LMTK3: variants seen among roughly 807,000 people sequenced by gnomAD.
LMTK3 encodes the protein lemur tail kinase 3, also known as serine/threonine-protein kinase LMTK3.
A neutral mutation model predicts 116.7 loss-of-function variants in LMTK3; 27 were observed. That is an observed-to-expected ratio of 0.23 (90% confidence interval 0.17 to 0.32). The LOEUF is 0.32. Ranked by LOEUF, LMTK3 falls within the 10% of genes least tolerant of loss-of-function variation. The pLI is 1.00. For synonymous variants in LMTK3, 965 were observed against 971.0 expected (o/e 0.99, Z 0.11); for missense variants, 1,764 against 2,068.5 (o/e 0.85, Z 2.86).
chr19:48,497,956 C>T lies in LMTK3; in HGVS notation c.3113G>A (p.Gly1038Asp), dbSNP rs773420307. The T allele has an allele frequency of 1.3e-6, 2 of 1,587,596 alleles. No individual in the cohort carries two copies. Among genetic ancestry groups the T allele is most frequent in the Non-Finnish European group, 8.6e-7 (1 of 1,169,444 alleles). ...TGGCTCCCCGATCGTGGGGGCTGGA[C>T]CCCAACTCTCGGGCGTCTTCTCCCA... Reference protein sequence around the residue: ...GPWEKTPESWGPAPTIGEPAP... With the variant: ...GPWEKTPESWDPAPTIGEPAP... The change falls in exon 11 of 15, where the codon GGT becomes GAT. Residue 1038 changes from glycine to aspartate, a missense_variant. Around this residue, in one of 7 missense-constraint regions of LMTK3, gnomAD observed 1,028 missense variants for 1,050.6 expected, o/e 0.98. Coordinates refer to ENST00000600059, the MANE Select transcript of LMTK3 (RefSeq NM_001388485.1). This position sits in a 1 kb window ranked among gnomAD's most constrained non-coding sequence, Gnocchi z 5.7.
Position 48,500,332 on chromosome 19 carries a change from G to A in LMTK3, c.1152-415C>T, listed in dbSNP as rs1189224756. 1.3e-5 allele frequency among the ~76,000 whole-genome samples: 2 copies of A among 152,204 alleles called. No homozygotes were observed. Among genetic ancestry groups the A allele is most frequent in the Admixed American group, 6.5e-5 (1 of 15,286 alleles). ...CCAGCTACCTGGGAGGCTGAGGCAG[G>A]AGAACCGCTTGAACCCGGGAGGCGG... is the stretch of plus-strand genomic sequence containing the variant. On this transcript the variant is annotated intron_variant, in intron 10 of 14. Transcript: ENST00000600059. This position sits in a 1 kb window ranked among gnomAD's most constrained non-coding sequence, Gnocchi z 4.0.
intron 11 of LMTK3, among the ~76,000 whole-genome samples, chr19:48,496,083 GTTGT>G (rs538830568): frequency 6.6e-5 from 10 of 152,036 alleles, no homozygotes; most frequent in East Asian, 1.9e-4. Context: ...CTGGAAAGTT[GTTGT>G]TTGTTTGTTT....
At chr19:48,493,285 C>T (rs1022741429) in intron 12 of LMTK3, among the ~76,000 whole-genome samples, 1 of 148,936 alleles carries the variant, frequency 6.7e-6, no homozygotes, top group South Asian at 2.2e-4. Flanking sequence ...GCCCCAGGCC[C>T]TGCACCTCTA....
intron 5 of LMTK3, among the ~76,000 whole-genome samples, chr19:48,508,409 G>C (rs978926824): frequency 5.9e-5 from 9 of 152,138 alleles, no homozygotes; most frequent in Non-Finnish European, 4.4e-5. Context: ...GAGTGGAGTA[G>C]AGACCAAGAA....
rs1446782230 is a variant in LMTK3 at position 48,498,081 on chromosome 19, G to A, written c.2988C>T (p.Pro996=). The stretch of plus-strand genomic sequence containing the variant: ...CTGACACCTTGTCCTCGCTCTTTGG[G>A]GGTGTCAGGCCCCCATTCACCAGCA... The part of the protein sequence containing the change: ...EKVLVNGGLT[P]PKSEDKVSEN... Residue 996 remains proline, a synonymous_variant, in exon 11 of 15, where the codon CCC becomes CCT. Coordinates refer to ENST00000600059, the MANE Select transcript of LMTK3 (RefSeq NM_001388485.1). The A allele has an allele frequency of 6.2e-7, 1 of 1,612,926 alleles. No individual in the cohort carries two copies. The highest frequency in any genetic ancestry group is 1.3e-5 in the African/African-American group (1 of 74,894).
intron 11 of LMTK3, among the ~76,000 whole-genome samples, chr19:48,495,144 G>A (rs779417142): frequency 1.3e-4 from 20 of 151,930 alleles, no homozygotes; most frequent in Non-Finnish European, 2.8e-4. Flanking sequence ...CGAGTAGCTG[G>A]GATTACAGGT....
In LMTK3 at chr19:48,491,634, GGGGCTCTA is replaced by G. The variant is rs1389717647; in HGVS notation, c.4093-103_4093-96del. On this transcript the variant is annotated intron_variant, in intron 12 of 14. Coordinates refer to ENST00000600059, the MANE Select transcript of LMTK3 (RefSeq NM_001388485.1). This position sits in a 1 kb window ranked among gnomAD's most constrained non-coding sequence, Gnocchi z 5.1. ...AGCAACAAAACCGGCTAATATTTCT[GGGGCTCTA>G]GGAATCCCAATTTGTAATCACTGAC... is the stretch of plus-strand genomic sequence containing the variant. 3.6e-6 allele frequency: 4 copies of G among 1,118,858 alleles called. No homozygotes were observed. Among genetic ancestry groups the G allele is most frequent in the South Asian group, 7.3e-5 (2 of 27,288 alleles). 69.3% of individuals were successfully genotyped at this position (1,118,858 alleles called of 1,614,324 possible). A position where few individuals can be genotyped will look rare whatever the true frequency, so the allele number is the denominator to read the frequency against.
Position 48,497,820 on chromosome 19 carries a change from C to G in LMTK3, c.3249G>C (p.Thr1083=), listed in dbSNP as rs906039535. Residue 1083 remains threonine, a synonymous_variant, in exon 11 of 15, where the codon ACG becomes ACC. Coordinates refer to ENST00000600059, the MANE Select transcript of LMTK3 (RefSeq NM_001388485.1). The surrounding 1 kb of genome is among the most constrained non-coding windows in gnomAD (Gnocchi z 5.7). Reference sequence around the variant, plus strand: ...CTCTCCTCTCGGTCCCGGGTTCCAGCGTCCCGTTCTTGGGGGCTGGGCCAA... The same window carrying G: ...CTCTCCTCTCGGTCCCGGGTTCCAGGGTCCCGTTCTTGGGGGCTGGGCCAA... ...GPLGPAPKNG[T]LEPGTERRAP... The G allele has an allele frequency of 2.2e-6, 3 of 1,388,894 alleles. No homozygotes were observed. The highest frequency in any genetic ancestry group is 2.8e-6 in the Non-Finnish European group (3 of 1,077,420). The allele number at this position is 1,388,894 out of a possible 1,614,324, so 86.0% of individuals were successfully genotyped here.
rs1972106627 is a variant in LMTK3 at position 48,485,552 on chromosome 19, G to A, written c.*221C>T. The A allele has an allele frequency of 1.4e-5, 8 of 562,632 alleles. No individual in the cohort carries two copies. Among genetic ancestry groups the A allele is most frequent in the South Asian group, 1.4e-4 (7 of 49,398 alleles). 34.9% of individuals were successfully genotyped at this position (562,632 alleles called of 1,614,324 possible). On this transcript the variant is annotated 3_prime_UTR_variant, in exon 15 of 15. Coordinates refer to ENST00000600059, the MANE Select transcript of LMTK3 (RefSeq NM_001388485.1). ...GGGGATTCCTGCCTCATTTGGCTCC[G>A]AGGGGGTCAGGGGGGTCAGGGGAGC...
intron 11 of LMTK3, among the ~76,000 whole-genome samples, chr19:48,495,049 G>A (rs941507179): frequency 2.0e-5 from 3 of 150,984 alleles, no homozygotes; most frequent in African/African-American, 4.9e-5. Context: ...TGCTCTCGTC[G>A]CCCAGGCTGG....
chr19:48,497,547 G>T lies in LMTK3; in HGVS notation c.3522C>A (p.Pro1174=), dbSNP rs370193229. 47 of 1,376,268 alleles carry T rather than the reference G, an allele frequency of 3.4e-5. No homozygotes were observed. In the African/African-American group the frequency reaches 6.5e-4, roughly 19 times the overall value. 85.3% of individuals were successfully genotyped at this position (1,376,268 alleles called of 1,614,324 possible). A position where few individuals can be genotyped will look rare whatever the true frequency, so the allele number is the denominator to read the frequency against. Residue 1174 remains proline (P), a synonymous_variant, in exon 11 of 15, where the codon CCC becomes CCA. Transcript: ENST00000600059. The surrounding 1 kb of genome is among the most constrained non-coding windows in gnomAD (Gnocchi z 5.7). The stretch of plus-strand genomic sequence containing the variant: ...TGTCTGGGGCCCCGGGCTCTCCCTC[G>T]GGGGCCACCTCCGGCCTGGCTCTCG... ...APPRARPEVA[P]EGEPGAPDSR... is the part of the protein sequence containing the mutation.
intron 7 of LMTK3, 130 bp from the exon 8 acceptor site, chr19:48,501,692 A>G (rs1445714169): frequency 1.1e-6 from 1 of 905,474 alleles, no homozygotes; most frequent in Non-Finnish European, 1.7e-6. Context: ...CTTCCCTCTG[A>G]TCTGTCTCTC....
chr19:48,490,605 A>G (rs377404378), intron 14 of LMTK3, among the ~76,000 whole-genome samples: 1 of 151,964 alleles, frequency 6.6e-6, no homozygotes, highest in South Asian at 2.1e-4. Context: ...AAATGGGTTA[A>G]ACTGTGGTGA....
In LMTK3 at chr19:48,499,095, TC is replaced by T; in HGVS notation, c.1973del (p.Gly658GlufsTer32). The T allele has an allele frequency of 6.4e-7, 1 of 1,554,200 alleles. No homozygotes were observed. Among genetic ancestry groups the T allele is most frequent in the Non-Finnish European group, 8.7e-7 (1 of 1,154,938 alleles). On this transcript the variant is annotated frameshift_variant, in exon 11 of 15. Coordinates refer to ENST00000600059, the MANE Select transcript of LMTK3 (RefSeq NM_001388485.1). LOFTEE classifies it high-confidence loss of function. ...GGGGACCCCGGCGGCTTGGGCCACC[TC>T]CAAGGCTGCTGCTGTCTTCCCCTGG... ...SSPGEDSSSL[G>X]GGPSRRGPLP... is the part of the protein sequence containing the mutation.
chr19:48,503,853 T>TCCTC (rs888825253), intron 5 of LMTK3, among the ~76,000 whole-genome samples: 34 of 150,800 alleles, frequency 2.3e-4, no homozygotes, highest in South Asian at 2.1e-3. Context: ...CTTCCTTCCT[T>TCCTC]CCTCCCTCCC....
rs1972345612 is a variant in LMTK3, at chr19:48,497,365, C to T, written c.3676+28G>A. 1 of 1,449,782 alleles carries T rather than the reference C, an allele frequency of 6.9e-7. No homozygotes were observed. The highest frequency in any genetic ancestry group is 2.7e-5 in the Admixed American group (1 of 36,874). 89.8% of individuals were successfully genotyped at this position (1,449,782 alleles called of 1,614,324 possible). A position where few individuals can be genotyped will look rare whatever the true frequency, so the allele number is the denominator to read the frequency against. On this transcript the variant is annotated intron_variant, in intron 11 of 14. Transcript: ENST00000600059. This position sits in a 1 kb window ranked among gnomAD's most constrained non-coding sequence, Gnocchi z 5.7. ...CGCCTCGGAAACAGCCGGACCTCAG[C>T]CCTGACTGTGCCCCGCAGCCTCCTC...
chr19:48,498,343 A>T lies in LMTK3; in HGVS notation c.2726T>A (p.Val909Asp), dbSNP rs61745738. 6.2e-7 allele frequency: 1 copy of T among 1,612,622 alleles called. No individual in the cohort carries two copies. The highest frequency in any genetic ancestry group is 1.3e-5 in the African/African-American group (1 of 74,786). ...TGGGGCTTGTTTCCCGTTGCCCAGG[A>T]CTGTCGGGTCCCTGTTCAGGCCCGG... ...KVPGLNRDPT[V>D]LGNGKQAPSL... Residue 909 changes from valine (V) to aspartate (D), a missense_variant, in exon 11 of 15, where the codon GTC becomes GAC. Coordinates refer to ENST00000600059, the MANE Select transcript of LMTK3 (RefSeq NM_001388485.1).
In LMTK3 at chr19:48,501,065, G is replaced by T. The variant is rs1205723998; in HGVS notation, c.1082C>A (p.Ala361Asp). 1 of 1,569,100 alleles carries T rather than the reference G, an allele frequency of 6.4e-7. No individual in the cohort carries two copies. The highest frequency in any genetic ancestry group is 1.9e-5 in the Admixed American group (1 of 52,206). ...YRHLSDEEVL[A>D]FVVRQQHVKL... is the part of the protein sequence containing the mutation. The stretch of plus-strand genomic sequence containing the variant: ...CACATGCTGCTGGCGGACCACGAAG[G>T]CGAGGACCTCCTCGTCTGACAGGTG... The change falls in exon 10 of 15, where the codon GCC (alanine) becomes GAC (aspartate). Residue 361 changes from alanine (A) to aspartate (D), a missense_variant. Physicochemically the swap from Ala to Asp is moderately radical, Grantham distance 126 (BLOSUM62 -2). This residue lies in a region of LMTK3 where 271 missense variants were observed against 478.2 expected (regional missense o/e 0.57). Transcript: ENST00000600059.
Position 48,498,477 on chromosome 19 carries a change from C to T in LMTK3, c.2592G>A (p.Met864Ile), listed in dbSNP as rs753737623. Residue 864 changes from methionine (M) to isoleucine (I), a missense_variant, in exon 11 of 15, where the codon ATG becomes ATA. Physicochemically the swap from Met to Ile is conservative, Grantham distance 10. Around this residue, in one of 7 missense-constraint regions of LMTK3, gnomAD observed 1,028 missense variants for 1,050.6 expected, o/e 0.98. Transcript: ENST00000600059. ...TCCTTGTCACATCCTCCCGCAGGGA[C>T]ATCAGCAGCTGTTCCGTGCTCACTT... ...VVQVSTEQLL[M>I]SLREDVTRNL... 17 of 1,600,988 alleles carry T rather than the reference C, an allele frequency of 1.1e-5. No individual in the cohort carries two copies. In the Admixed American group the frequency reaches 1.4e-4, roughly 13 times the overall value.
Sources: gnomAD v4.1 joint callset for allele counts (sites outside exome capture counted in the v4.1 genomes callset) on GRCh38, gnomAD v4.1.1 for gene constraint, gnomAD v4.1.1 regional missense constraint, Gnocchi (gnomAD v3.1) non-coding constraint, MANE v1.5 for transcripts, NCBI Gene and HGNC (gene_info 2026-07-23, HGNC 2026-07-21) for gene names.